Variants in CSMD1 observed in about 807,000 individuals in gnomAD.
CSMD1 encodes the protein CUB and sushi domain-containing protein 1.
A neutral mutation model predicts 417.5 loss-of-function variants in CSMD1; 213 were observed. That is an observed-to-expected ratio of 0.51 (90% confidence interval 0.46 to 0.57). The LOEUF (loss-of-function observed/expected upper bound fraction) is 0.57. CSMD1 is among the 20% of genes least tolerant of loss of function. CSMD1 has a pLI of 0.00. For synonymous variants in CSMD1, 2,862 were observed against 1,736.8 expected, an observed-to-expected ratio of 1.65 and a Z score of -16.11; for missense variants, 6,923 against 4,529.7, an observed-to-expected ratio of 1.53 and a Z score of -15.17.
chr8:3,164,115 G>C (rs370293545), intron 37 of CSMD1, among the ~76,000 whole-genome samples: 1 of 152,232 alleles, frequency 6.6e-6, no homozygotes, highest in South Asian at 2.1e-4. Flanking sequence ...GGGCGAAATG[G>C]AGAGAGAGAA....
intron 7 of CSMD1, among the ~76,000 whole-genome samples, chr8:3,652,074 G>C (rs1797884750): frequency 6.8e-6 from 1 of 147,940 alleles, no homozygotes; most frequent in African/African-American, 2.5e-5. Flanking sequence ...ACCCCCATCA[G>C]AGCGCTTACC....
rs368213223 is a variant in CSMD1 at position 3,366,405 on chromosome 8, T to A, written c.3115+627A>T. 3.9e-5 allele frequency among the ~76,000 whole-genome samples: 6 copies of A among 152,294 alleles called. No homozygotes were observed. In the East Asian group the frequency reaches 1.2e-3, roughly 29 times the overall value. On this transcript the variant is annotated intron_variant, in intron 20 of 69. Transcript: ENST00000635120. ...TCTGTAGAAAAAATTAGCATCTCTG[T>A]CATAGAACTATACAAATTAAACAAT...
At chr8:4,184,596 C>T (rs1798559053) in intron 3 of CSMD1, among the ~76,000 whole-genome samples, 1 of 151,548 alleles carries the variant, frequency 6.6e-6, no homozygotes, top group Non-Finnish European at 1.5e-5. Context: ...TTATCTTTAG[C>T]AAACTAACAC....
chr8:3,811,606 C>A (rs1234594427), intron 5 of CSMD1, among the ~76,000 whole-genome samples: 1 of 152,158 alleles, frequency 6.6e-6, no homozygotes, highest in Non-Finnish European at 1.5e-5. Context: ...CAGGCACACA[C>A]TCCTTCAGAA....
At chr8:3,372,723 A>G (rs1239034601) in intron 18 of CSMD1, among the ~76,000 whole-genome samples, 3 of 152,146 alleles carry the variant, frequency 2.0e-5, no homozygotes, top group Non-Finnish European at 4.4e-5. Flanking sequence ...CCAAAGCTCC[A>G]AGTCTGCTGG....
intron 3 of CSMD1, among the ~76,000 whole-genome samples, chr8:4,063,160 T>G (rs1270223446): frequency 1.3e-5 from 2 of 152,184 alleles, no homozygotes; most frequent in African/African-American, 4.8e-5. Flanking sequence ...GATTTGGAAA[T>G]GATAAATGTT....
At chr8:4,993,613 T>C (rs1316737746) in intron 1 of CSMD1, among the ~76,000 whole-genome samples, 2 of 152,122 alleles carry the variant, frequency 1.3e-5, no homozygotes, top group Non-Finnish European at 2.9e-5. Context: ...AGAAGGAGGA[T>C]ACCCGTGCGC....
intron 5 of CSMD1, among the ~76,000 whole-genome samples, chr8:3,977,754 A>G (rs999582706): frequency 6.6e-6 from 1 of 152,208 alleles, no homozygotes; most frequent in Non-Finnish European, 1.5e-5. Context: ...CAATTTTGTG[A>G]ATCTGCATGT....
chr8:3,347,907 A>G (rs1808118360), intron 22 of CSMD1, 85 bp downstream of exon 22: 6 of 836,254 alleles, frequency 7.2e-6, no homozygotes, highest in Non-Finnish European at 1.1e-5. Context: ...ATATGTGCAT[A>G]TATCTATATG....
intron 5 of CSMD1, among the ~76,000 whole-genome samples, chr8:3,796,609 T>C (rs928715006): frequency 3.4e-5 from 5 of 147,840 alleles, no homozygotes; most frequent in East Asian, 2.0e-4. Flanking sequence ...CTATAATGTA[T>C]AGATGTATAG....
At chr8:3,691,606 C>T (rs1379511068) in intron 7 of CSMD1, among the ~76,000 whole-genome samples, 3 of 152,138 alleles carry the variant, frequency 2.0e-5, no homozygotes, top group Admixed American at 2.0e-4. Flanking sequence ...TCTATCCTAT[C>T]CTAACAAAAA....
At chr8:3,344,869 G>T (rs189632821) in intron 22 of CSMD1, among the ~76,000 whole-genome samples, 1 of 152,310 alleles carries the variant, frequency 6.6e-6, no homozygotes, top group East Asian at 1.9e-4. Flanking sequence ...TGCTAGTGGG[G>T]TAGAATCAGA....
chr8:4,900,314 GGCTCCATGAATA>G (rs1804783737), intron 1 of CSMD1, among the ~76,000 whole-genome samples: 1 of 152,058 alleles, frequency 6.6e-6, no homozygotes, highest in South Asian at 2.1e-4. Context: ...TATGTCCTTA[GGCTCCATGAATA>G]GCTACACCAT....
chr8:3,792,648 C>A (rs1246822054), intron 5 of CSMD1, among the ~76,000 whole-genome samples: 1 of 152,112 alleles, frequency 6.6e-6, no homozygotes. Context: ...AATCATTTGC[C>A]ATGTTACAGA....
intron 26 of CSMD1, among the ~76,000 whole-genome samples, chr8:3,247,876 T>C (rs1799989318): frequency 6.6e-6 from 1 of 152,238 alleles, no homozygotes; most frequent in Non-Finnish European, 1.5e-5. Flanking sequence ...GAGCAGGATC[T>C]CCATGGAATC....
intron 18 of CSMD1, among the ~76,000 whole-genome samples, chr8:3,380,792 A>G (rs1810581281): frequency 6.6e-6 from 1 of 152,090 alleles, no homozygotes; most frequent in Admixed American, 6.6e-5. Context: ...CCTAATGTAG[A>G]TGATGGGTTG....
chr8:3,965,393 T>G (rs183456952), intron 5 of CSMD1, among the ~76,000 whole-genome samples: 4 of 152,150 alleles, frequency 2.6e-5, no homozygotes, highest in African/African-American at 4.8e-5. Context: ...TACAAATACA[T>G]TGCCTTAGAG....
intron 8 of CSMD1, among the ~76,000 whole-genome samples, chr8:3,600,678 C>A (rs767980696): frequency 1.4e-4 from 22 of 152,140 alleles, no homozygotes; most frequent in Admixed American, 3.3e-4. Flanking sequence ...TTGCTCTGGT[C>A]TAAAGCGAAA....
rs1350240761 is a variant in CSMD1 at position 4,177,813 on chromosome 8, T to C, written c.416-145714A>G. Among the ~76,000 whole-genome samples, 8 of 151,320 alleles carry C rather than the reference T, an allele frequency of 5.3e-5. No individual in the cohort carries two copies. The East Asian group carries it at 9.7e-4, about 18-fold the overall frequency. On this transcript the variant is annotated intron_variant, in intron 3 of 69. Coordinates refer to ENST00000635120, the MANE Select transcript of CSMD1 (RefSeq NM_033225.6). Reference sequence around the variant, plus strand: ...AATACTACAAACACCTCTACGCAAATAAACTAGAAAATCTATAAGAAATGG... The same window carrying C: ...AATACTACAAACACCTCTACGCAAACAAACTAGAAAATCTATAAGAAATGG...
Sources: allele counts gnomAD v4.1 joint callset (sites outside exome capture counted in the v4.1 genomes callset), GRCh38; gene constraint gnomAD v4.1.1; transcripts MANE v1.5; gene names NCBI Gene and HGNC (gene_info 2026-07-23, HGNC 2026-07-21).